The following TMEM178B variants were observed in gnomAD, a reference collection of about 807,000 sequenced individuals.
TMEM178B encodes transmembrane protein 178B.
TMEM178B carries 5 observed loss-of-function variants against 31.0 expected under a neutral mutation model. The observed-to-expected ratio is 0.16, with a 90% CI of 0.08 to 0.34. The LOEUF is 0.34. Ranked by LOEUF, TMEM178B falls within the 10% of genes least tolerant of loss-of-function variation. TMEM178B has a pLI of 1.00. For missense variants in TMEM178B, 275 were observed against 400.3 expected, an observed-to-expected ratio of 0.69 and a Z score of 2.67; for synonymous variants, 164 against 164.0, an observed-to-expected ratio of 1.00 and a Z score of 0.00.
chr7:141,074,254 C>T lies in TMEM178B; in HGVS notation c.-57C>T. 2 of 1,451,146 alleles carry T rather than the reference C, an allele frequency of 1.4e-6. No homozygotes were observed. Among genetic ancestry groups the T allele is most frequent in the Non-Finnish European group, 1.8e-6 (2 of 1,103,644 alleles). The allele number at this position is 1,451,146 out of a possible 1,614,324, so 89.9% of individuals were successfully genotyped here. A position where few individuals can be genotyped will look rare whatever the true frequency, so the allele number is the denominator to read the frequency against. ...GCCCGCCGCTTTGTTCCGGGTGCGG[C>T]GAGGGAAGGCGAGGCTGCGGCGGAT... On this transcript the variant is annotated 5_prime_UTR_variant, in exon 1 of 4. Transcript: ENST00000565468. The surrounding 1 kb of genome is among the most constrained non-coding windows in gnomAD (Gnocchi z 5.1).
chr7:141,455,091 G>T (rs1037120334), intron 3 of TMEM178B, among the ~76,000 whole-genome samples: 1 of 152,130 alleles, frequency 6.6e-6, no homozygotes, highest in Non-Finnish European at 1.5e-5. Flanking sequence ...TCCCTGACCT[G>T]TTGAGAAGCT....
chr7:141,372,817 A>C (rs954674241), intron 2 of TMEM178B, among the ~76,000 whole-genome samples: 1 of 152,236 alleles, frequency 6.6e-6, no homozygotes, highest in African/African-American at 2.4e-5. Flanking sequence ...TAGAGTTACT[A>C]TTAGAGCCAG....
chr7:141,127,475 C>G (rs1024699716), intron 1 of TMEM178B, among the ~76,000 whole-genome samples: 3 of 152,096 alleles, frequency 2.0e-5, no homozygotes, highest in Non-Finnish European at 4.4e-5. Flanking sequence ...AGAAGAGAGG[C>G]CACAGAAGTA....
chr7:141,304,397 G>A (rs943650867), intron 2 of TMEM178B, among the ~76,000 whole-genome samples: 1 of 152,172 alleles, frequency 6.6e-6, no homozygotes. Context: ...TTGCTCCATT[G>A]CCTCTGTGCA....
At chr7:141,310,355 A>G (rs576616173) in intron 2 of TMEM178B, among the ~76,000 whole-genome samples, 355 of 152,358 alleles carry the variant, frequency 2.3e-3, no homozygotes, top group Non-Finnish European at 3.5e-3. Context: ...GAGAAATGCA[A>G]ATCAAAACTA....
chr7:141,280,978 G>A (rs781608522), intron 2 of TMEM178B, among the ~76,000 whole-genome samples: 1 of 152,192 alleles, frequency 6.6e-6, no homozygotes, highest in Non-Finnish European at 1.5e-5. Context: ...AGGGAATCTA[G>A]GGATGAATGC....
At chr7:141,203,979 C>G (rs538778417) in intron 1 of TMEM178B, among the ~76,000 whole-genome samples, 1 of 152,094 alleles carries the variant, frequency 6.6e-6, no homozygotes, top group Non-Finnish European at 1.5e-5. Flanking sequence ...CTTGGGAGAA[C>G]CAAAAAGGAA....
chr7:141,335,734 C>T (rs1277914974), intron 2 of TMEM178B, among the ~76,000 whole-genome samples: 1 of 152,144 alleles, frequency 6.6e-6, no homozygotes, highest in East Asian at 1.9e-4. Flanking sequence ...GATCTGTGGT[C>T]ACCTCTGTTG....
intron 1 of TMEM178B, among the ~76,000 whole-genome samples, chr7:141,149,065 A>G (rs148149099): frequency 1.6e-4 from 24 of 152,284 alleles, no homozygotes; most frequent in African/African-American, 4.6e-4. Context: ...TGGGCTTTGA[A>G]TGCCAGGTAA....
intron 1 of TMEM178B, among the ~76,000 whole-genome samples, chr7:141,091,185 A>G (rs1238423941): frequency 3.3e-5 from 5 of 152,202 alleles, no homozygotes; most frequent in East Asian, 3.8e-4. Context: ...ATAAAGTGCT[A>G]TAGGTCAAAA....
rs527346782 is a variant in TMEM178B at position 141,370,859 on chromosome 7, A to G, written c.497-66749A>G. On this transcript the variant is annotated intron_variant, in intron 2 of 3. Transcript: ENST00000565468. Reference sequence around the variant, plus strand: ...ACATCTGCTGTTTGACCACTGATCAAGACTCTCAGTCATGCGGCTCAGAAG... The same window carrying G: ...ACATCTGCTGTTTGACCACTGATCAGGACTCTCAGTCATGCGGCTCAGAAG... Among the ~76,000 whole-genome samples the G allele has an allele frequency of 6.9e-4, 105 of 152,350 alleles. 1 individual carries two copies. Among genetic ancestry groups the G allele is most frequent in the African/African-American group, 2.4e-3 (101 of 41,586 alleles).
intron 2 of TMEM178B, among the ~76,000 whole-genome samples, chr7:141,259,017 A>G (rs566829099): frequency 6.6e-6 from 1 of 152,248 alleles, no homozygotes; most frequent in Non-Finnish European, 1.5e-5. Flanking sequence ...TCAAATTTGG[A>G]AAGTTTTTGG....
At chr7:141,185,533 C>T (rs536822875) in intron 1 of TMEM178B, among the ~76,000 whole-genome samples, 22 of 152,262 alleles carry the variant, frequency 1.4e-4, no homozygotes, top group South Asian at 4.1e-4. Flanking sequence ...ATGCCCTCAA[C>T]GCGCAGCCGC....
intron 2 of TMEM178B, among the ~76,000 whole-genome samples, chr7:141,222,958 A>C (rs1244269989): frequency 2.0e-5 from 3 of 152,218 alleles, no homozygotes; most frequent in African/African-American, 7.2e-5. Context: ...CAATTTAGAC[A>C]CAAACAGTCT....
At chr7:141,382,797 C>A (rs1800343011) in intron 2 of TMEM178B, among the ~76,000 whole-genome samples, 1 of 152,184 alleles carries the variant, frequency 6.6e-6, no homozygotes, top group Non-Finnish European at 1.5e-5. Context: ...GATTCAGTCC[C>A]ACAAACAAAC....
chr7:141,380,334 A>G (rs1800291560), intron 2 of TMEM178B, among the ~76,000 whole-genome samples: 1 of 152,202 alleles, frequency 6.6e-6, no homozygotes, highest in African/African-American at 2.4e-5. Flanking sequence ...TTCCTAATTG[A>G]ATAGGAGACT....
chr7:141,151,257 T>C (rs1340212632), intron 1 of TMEM178B, among the ~76,000 whole-genome samples: 1 of 152,170 alleles, frequency 6.6e-6, no homozygotes, highest in African/African-American at 2.4e-5. Context: ...ATGGCTGCCA[T>C]TGATTGACCT....
chr7:141,150,537 C>T (rs560128059), intron 1 of TMEM178B, among the ~76,000 whole-genome samples: 1 of 152,238 alleles, frequency 6.6e-6, no homozygotes, highest in Non-Finnish European at 1.5e-5. Flanking sequence ...GCAGAAGGGA[C>T]GTTGAGCTAG....
intron 2 of TMEM178B, among the ~76,000 whole-genome samples, chr7:141,231,312 A>AG (rs1348496494): frequency 8.6e-6 from 1 of 116,480 alleles, no homozygotes; most frequent in African/African-American, 3.7e-5. Context: ...GCTCAAGAGA[A>AG]GAAAAAAAAA....
Sources: gnomAD v4.1 joint callset for allele counts (sites outside exome capture counted in the v4.1 genomes callset) on GRCh38, gnomAD v4.1.1 for gene constraint, Gnocchi (gnomAD v3.1) non-coding constraint, MANE v1.5 for transcripts, NCBI Gene and HGNC (gene_info 2026-07-23, HGNC 2026-07-21) for gene names.